The following ZNF599 variants were observed in gnomAD, a reference collection of about 807,000 sequenced individuals.
ZNF599 encodes zinc finger protein 599.
A neutral mutation model predicts 11.7 loss-of-function variants in ZNF599; 10 were observed. That is an observed-to-expected ratio of 0.86 (90% confidence interval 0.53 to 1.45). The LOEUF is 1.45. Among genes scored for constraint, ZNF599 ranks in the 40% most tolerant of loss-of-function variants. The pLI, the probability that ZNF599 is intolerant of heterozygous loss-of-function variation, is 0.00. For missense variants in ZNF599, 688 were observed against 713.6 expected, an observed-to-expected ratio of 0.96 and a Z score of 0.41; for synonymous variants, 232 against 253.2, an observed-to-expected ratio of 0.92 and a Z score of 0.79.
At chr19:34,766,400 G>C (rs183041718) in intron 3 of ZNF599, among the ~76,000 whole-genome samples, 2 of 152,184 alleles carry the variant, frequency 1.3e-5, no homozygotes. Context: ...AATAAATGAC[G>C]GGCTGGAGAA....
At chr19:34,784,075 C>A in the ZNF599 span, among the ~76,000 whole-genome samples, 7 of 152,218 alleles carry the variant, frequency 4.6e-5, no homozygotes, top group Non-Finnish European at 7.3e-5. Flanking sequence ...AATTGATTAT[C>A]TGACAGTCTA....
At chr19:34,802,383 T>C in the ZNF599 span, among the ~76,000 whole-genome samples, 2 of 152,210 alleles carry the variant, frequency 1.3e-5, no homozygotes, top group African/African-American at 4.8e-5. Context: ...TGGTTTTTGG[T>C]ACTTGTATTT....
intron 1 of ZNF599, among the ~76,000 whole-genome samples, chr19:34,771,572 C>A (rs2069184227): frequency 6.6e-6 from 1 of 152,162 alleles, no homozygotes; most frequent in Non-Finnish European, 1.5e-5. Flanking sequence ...TTGCAGAGAT[C>A]TGGCGACAAT....
At position 34,769,421 on chromosome 19, in the gene ZNF599, G is replaced by A; in HGVS notation, c.145+8C>T. 1 of 1,614,086 alleles carries A rather than the reference G, an allele frequency of 6.2e-7. No homozygotes were observed. The highest frequency in any genetic ancestry group is 1.3e-5 in the African/African-American group (1 of 75,036). On this transcript the variant is annotated splice_region_variant and intron_variant, in intron 2 of 3. Transcript: ENST00000329285. ...GGTCCCCTACATGGGAGGGTAATGA[G>A]GTCTTACCCAGTGAGACCAGGAGCC... is the stretch of plus-strand genomic sequence containing the variant.
chr19:34,760,292 TC>T lies in ZNF599; in HGVS notation c.508del (p.Glu170AsnfsTer22), dbSNP rs1163494819. On this transcript the variant is annotated frameshift_variant, in exon 4 of 4. Transcript: ENST00000329285. LOFTEE classifies it low-confidence loss of function (END_TRUNC). ...GAGAGCATCTTGTGGAGTGACTCGTTCCTGTAAAACCCTTAAGCCCAGACTA... is the reference window on the plus strand; with the variant it reads ...GAGAGCATCTTGTGGAGTGACTCGTTCTGTAAAACCCTTAAGCCCAGACTA... ...DDSLGLRVLQERVTPQDALHE... is the reference protein window; with the variant it reads ...DDSLGLRVLQXRVTPQDALHE... 6.2e-7 allele frequency: 1 copy of T among 1,614,208 alleles called. No homozygotes were observed. The highest frequency in any genetic ancestry group is 1.7e-5 in the Admixed American group (1 of 60,028).
chr19:34,784,694 A>C, the ZNF599 span, among the ~76,000 whole-genome samples: 1 of 152,034 alleles, frequency 6.6e-6, no homozygotes, highest in Admixed American at 6.6e-5. Flanking sequence ...ACTCCATCCC[A>C]GATCTTACTG....
chr19:34,788,579 T>C, the ZNF599 span: 3 of 152,116 alleles, frequency 2.0e-5, no homozygotes, highest in Admixed American at 1.3e-4. Flanking sequence ...TAAAATGAAA[T>C]TCTTAAAGAA....
chr19:34,777,463 T>C (rs565554383), upstream of ZNF599, among the ~76,000 whole-genome samples: 5 of 98,668 alleles, frequency 5.1e-5, no homozygotes, highest in African/African-American at 2.2e-4. Context: ...ATATATAATA[T>C]ATTATATATT....
the ZNF599 span, among the ~76,000 whole-genome samples, chr19:34,781,259 CAAAG>C: frequency 2.8e-4 from 42 of 150,728 alleles, no homozygotes; most frequent in East Asian, 7.8e-4. Context: ...AAAGAAGAAA[CAAAG>C]AAAGAGAGAA....
At chr19:34,783,327 T>C in the ZNF599 span, among the ~76,000 whole-genome samples, 1 of 152,148 alleles carries the variant, frequency 6.6e-6, no homozygotes, top group Admixed American at 6.5e-5. Context: ...GGTTTTATTG[T>C]GGTTTCACAG....
At chr19:34,805,419 A>T in the ZNF599 span, among the ~76,000 whole-genome samples, 1 of 151,940 alleles carries the variant, frequency 6.6e-6, no homozygotes, top group Admixed American at 6.6e-5. Context: ...GATGGTCTCA[A>T]TCTCTTGACC....
rs750124882 is a variant in ZNF599, at chr19:34,759,490, G to C, written c.1311C>G (p.Ser437=). 10 of 1,613,812 alleles carry C rather than the reference G, an allele frequency of 6.2e-6. No individual in the cohort carries two copies. Among genetic ancestry groups the C allele is most frequent in the Admixed American group, 5.0e-5 (3 of 59,982 alleles). ...TGTGAATCCTCATATGTTGAATTAA[G>C]GAAGAGCTGTCACAAAAGGCCTTCC... ...ECGKAFCDSS[S]LIQHMRIHTG... is the part of the protein sequence containing the mutation. The change falls in exon 4 of 4, where the codon TCC becomes TCG. Residue 437 remains serine (S), a synonymous_variant. Transcript: ENST00000329285.
Position 34,759,425 on chromosome 19 carries a change from G to A in ZNF599, c.1376C>T (p.Ala459Val). The part of the protein sequence containing the change: ...KPYECSECGK[A>V]FTHHSVFIRH... ...AATAAAAACAGAGTGGTGTGTAAAA[G>A]CCTTTCCACATTCACTGCACTCATA... Residue 459 changes from alanine (A) to valine (V), a missense_variant, in exon 4 of 4, where the codon GCT becomes GTT. Coordinates refer to ENST00000329285, the MANE Select transcript of ZNF599 (RefSeq NM_001007248.3). The A allele has an allele frequency of 6.2e-7, 1 of 1,614,154 alleles. No homozygotes were observed. Among genetic ancestry groups the A allele is most frequent in the Non-Finnish European group, 8.5e-7 (1 of 1,179,982 alleles).
the ZNF599 span, among the ~76,000 whole-genome samples, chr19:34,795,869 T>C: frequency 1.3e-5 from 2 of 152,214 alleles, no homozygotes; most frequent in East Asian, 3.9e-4. Context: ...TTGCCCAGGC[T>C]GGAGTGCAAT....
Position 34,759,311 on chromosome 19 carries a change from T to C in ZNF599, c.1490A>G (p.His497Arg). The C allele has an allele frequency of 6.2e-7, 1 of 1,614,238 alleles. No individual in the cohort carries two copies. The highest frequency in any genetic ancestry group is 8.5e-7 in the Non-Finnish European group (1 of 1,180,046). Residue 497 changes from histidine to arginine, a missense_variant, in exon 4 of 4, where the codon CAC becomes CGC. Transcript: ENST00000329285. ...CTTCTCTCCAGTGTGAATCCTCATG[T>C]GTCGAGTGAAGGAAGAGCTATAGTA... ...AFYYSSSFTR[H>R]MRIHTGEKPY...
In ZNF599 at chr19:34,760,092, G is replaced by C. The variant is rs143039488; in HGVS notation, c.709C>G (p.Arg237Gly). The C allele has an allele frequency of 5.0e-6, 8 of 1,613,684 alleles. No homozygotes were observed. The highest frequency in any genetic ancestry group is 6.8e-6 in the Non-Finnish European group (8 of 1,179,978). ...YECNECGKAC[R>G]YMADVIRHMR... Reference sequence around the variant, plus strand: ...TGTCGAATGACATCAGCCATATAACGACAGGCTTTCCCACACTCATTGCAC... The same window carrying C: ...TGTCGAATGACATCAGCCATATAACCACAGGCTTTCCCACACTCATTGCAC... The change falls in exon 4 of 4, where the codon CGT (arginine) becomes GGT (glycine). Residue 237 changes from arginine to glycine, a missense_variant. Arg to Gly is a moderately radical substitution (Grantham distance 125). Transcript: ENST00000329285.
the ZNF599 span, among the ~76,000 whole-genome samples, chr19:34,792,735 T>C: frequency 2.0e-5 from 3 of 151,626 alleles, no homozygotes; most frequent in Non-Finnish European, 4.4e-5. Flanking sequence ...TGGTGGCGGG[T>C]GCCTGTAGTC....
At chr19:34,795,659 C>T in the ZNF599 span, among the ~76,000 whole-genome samples, 2 of 152,300 alleles carry the variant, frequency 1.3e-5, no homozygotes, top group South Asian at 4.1e-4. Context: ...TACTACCACA[C>T]ATACTCCTCA....
the ZNF599 span, among the ~76,000 whole-genome samples, chr19:34,801,415 T>C: frequency 2.6e-5 from 4 of 152,232 alleles, no homozygotes; most frequent in African/African-American, 9.6e-5. Context: ...AATAAGGTCT[T>C]TCTCCAGTGT....
Sources: allele counts gnomAD v4.1 joint callset (sites outside exome capture counted in the v4.1 genomes callset), GRCh38; gene constraint gnomAD v4.1.1; transcripts MANE v1.5; gene names NCBI Gene and HGNC (gene_info 2026-07-23, HGNC 2026-07-21).